The following CATSPER2 variants were observed in gnomAD, a reference collection of about 807,000 sequenced individuals.
CATSPER2 encodes cation channel sperm-associated protein 2.
CATSPER2 carries 56 observed loss-of-function variants against 68.8 expected under a neutral mutation model. The observed-to-expected ratio is 0.81, with a 90% CI of 0.66 to 1.02. CATSPER2 has a LOEUF of 1.02. CATSPER2 is among the 50% of genes least tolerant of loss of function. CATSPER2 has a pLI of 0.00. For synonymous variants in CATSPER2, 198 were observed against 229.9 expected (o/e 0.86, Z 1.26); for missense variants, 582 against 642.0 (o/e 0.91, Z 1.01).
rs1174851635 is a variant in CATSPER2, at chr15:43,628,818, G to C, written c.*1883C>G. 17 of 143,184 alleles carry C rather than the reference G, an allele frequency of 1.2e-4. No individual in the cohort carries two copies. Among genetic ancestry groups the C allele is most frequent in the African/African-American group, 4.8e-4 (17 of 35,546 alleles). 8.9% of individuals were successfully genotyped at this position (143,184 alleles called of 1,614,324 possible). A position where few individuals can be genotyped will look rare whatever the true frequency, so the allele number is the denominator to read the frequency against. ...TGGTCAGGATATCTTTAGAGGAGTG[G>C]AGGTTGACTTACCTGCAGTTAATGC... On this transcript the variant is annotated 3_prime_UTR_variant, in exon 13 of 13. Transcript: ENST00000396879.
intron 7 of CATSPER2, among the ~76,000 whole-genome samples, chr15:43,637,248 C>T (rs2141558856): frequency 6.6e-6 from 1 of 151,924 alleles, no homozygotes. Context: ...CAAAATTATT[C>T]CTATTAGTTT....
In CATSPER2 at chr15:43,630,209, A is replaced by G. The variant is rs904926154; in HGVS notation, c.*492T>C. On this transcript the variant is annotated 3_prime_UTR_variant, in exon 13 of 13. Transcript: ENST00000396879. ...TGATCCTAGCTTGCTGTAGCCTCGA[A>G]CTCCCTGCCTCAAACAATCCTGCCT... is the stretch of plus-strand genomic sequence containing the variant. 4 of 192,050 alleles carry G rather than the reference A, an allele frequency of 2.1e-5. No homozygotes were observed. The highest frequency in any genetic ancestry group is 9.4e-5 in the African/African-American group (4 of 42,726). The allele number at this position is 192,050 out of a possible 1,614,324, so 11.9% of individuals were successfully genotyped here. A position where few individuals can be genotyped will look rare whatever the true frequency, so the allele number is the denominator to read the frequency against.
Position 43,638,904 on chromosome 15 carries a change from G to T in CATSPER2, c.842C>A (p.Ser281Ter). The T allele has an allele frequency of 1.2e-6, 2 of 1,612,308 alleles. No individual in the cohort carries two copies. The highest frequency in any genetic ancestry group is 2.2e-5 in the South Asian group (2 of 90,984). Residue 281 changes from serine (S) to a stop codon, truncating the protein, a stop_gained and splice_region_variant, in exon 7 of 13, where the codon TCG becomes TAG. Transcript: ENST00000396879. LOFTEE classifies it high-confidence loss of function. The stretch of plus-strand genomic sequence containing the variant: ...CCCAGCTGTCCCCAGCTCTGCTTAC[G>T]AGAAGAACACATGGTACTCCAGGTC... The part of the protein sequence containing the change: ...RQDLEYHVFF[S>*]DLPNSLVTVF...
chr15:43,644,474 T>C (rs1012529300), intron 4 of CATSPER2, among the ~76,000 whole-genome samples: 4 of 151,912 alleles, frequency 2.6e-5, no homozygotes, highest in African/African-American at 9.7e-5. Context: ...CTATTTTGAT[T>C]TGTCTATTAG....
intron 11 of CATSPER2, 175 bp from the exon 12 acceptor site, chr15:43,632,538 C>A: frequency 1.4e-6 from 2 of 1,432,234 alleles, no homozygotes; most frequent in Non-Finnish European, 1.9e-6. Context: ...AGGGCCACAG[C>A]CACACTTACC....
intron 4 of CATSPER2, 47 bp downstream of exon 4, chr15:43,647,003 C>A (rs117322961): frequency 7.9e-6 from 12 of 1,515,460 alleles, no homozygotes; most frequent in Non-Finnish European, 1.1e-5. Flanking sequence ...ACGTGTGAGC[C>A]GGCGTGCCCG....
In CATSPER2 at chr15:43,647,177, T is replaced by C. The variant is rs1415146168; in HGVS notation, c.320-59A>G. ...TTCTTTCTGATTTATGCAGCTGAAA[T>C]AATAAGAGCAATAACATAAGCAGTG... On this transcript the variant is annotated intron_variant, in intron 3 of 12. Coordinates refer to ENST00000396879, the MANE Select transcript of CATSPER2 (RefSeq NM_172095.4). 6 of 1,570,750 alleles carry C rather than the reference T, an allele frequency of 3.8e-6. No homozygotes were observed. In the Admixed American group the frequency reaches 1.0e-4, roughly 26 times the overall value.
rs1354288133 is a variant in CATSPER2, at chr15:43,638,286, C to CTTTCTTTTTTTTTTTTT, written c.842+617_842+618insAAAAAAAAAAAAAGAAA. 1.5e-3 allele frequency among the ~76,000 whole-genome samples: 126 copies of CTTTCTTTTTTTTTTTTT among 81,822 alleles called. 9 individuals are homozygous for CTTTCTTTTTTTTTTTTT. The highest frequency in any genetic ancestry group is 8.4e-3 in the African/African-American group (112 of 13,262). 53.7% of individuals were successfully genotyped at this position (81,822 alleles called of 152,430 possible). ...ATTTTTCTTTTCTTTTTCTTTCTTT[C>CTTTCTTTTTTTTTTTTT]TTTTTTTTTTTTTTTTTTTTTGAGA... On this transcript the variant is annotated intron_variant, in intron 7 of 12. Coordinates refer to ENST00000396879, the MANE Select transcript of CATSPER2 (RefSeq NM_172095.4).
intron 4 of CATSPER2, among the ~76,000 whole-genome samples, chr15:43,645,159 G>A (rs531606656): frequency 1.8e-4 from 27 of 151,890 alleles, no homozygotes; most frequent in African/African-American, 6.5e-4. Flanking sequence ...AGGCTCAAGC[G>A]ATCCTCCCAC....
intron 1 of CATSPER2, 76 bp downstream of exon 1, chr15:43,648,553 G>T: frequency 7.7e-7 from 1 of 1,290,428 alleles, no homozygotes; most frequent in Non-Finnish European, 1.0e-6. Context: ...AATGGGTCCC[G>T]TCCCAAGTGT....
At position 43,632,410 on chromosome 15, in the gene CATSPER2, T is replaced by C. The variant is rs56226333; in HGVS notation, c.1397-47A>G. ...AAAAGCACGTCTAGATTTGTAAAAGTTGGGTAAGAGCTGGTAAATCCTATG... is the reference window on the plus strand; with the variant it reads ...AAAAGCACGTCTAGATTTGTAAAAGCTGGGTAAGAGCTGGTAAATCCTATG... On this transcript the variant is annotated intron_variant, in intron 11 of 12. Transcript: ENST00000396879. 0.16 allele frequency: 262,967 copies of C among 1,603,536 alleles called. 24,860 individuals are homozygous for C. Among genetic ancestry groups the C allele is most frequent in the Middle Eastern group, 0.24 (1,457 of 5,996 alleles).
rs992228648 is a variant in CATSPER2, at chr15:43,631,258, G to A, written c.1562-526C>T. ...TGTTTTTGGTTTGTCTTGAGACGGA[G>A]CCTCATTCTTTTGCCAGGCTGGAGT... is the stretch of plus-strand genomic sequence containing the variant. On this transcript the variant is annotated intron_variant, in intron 12 of 12. Coordinates refer to ENST00000396879, the MANE Select transcript of CATSPER2 (RefSeq NM_172095.4). Among the ~76,000 whole-genome samples the A allele has an allele frequency of 2.8e-4, 42 of 151,972 alleles. 1 individual carries two copies. Among genetic ancestry groups the A allele is most frequent in the Non-Finnish European group, 4.4e-4 (30 of 67,990 alleles).
chr15:43,640,122 A>G lies in CATSPER2; in HGVS notation c.561+202T>C, dbSNP rs377310602. 1.4e-4 allele frequency: 206 copies of G among 1,445,170 alleles called. 5 individuals carry two copies. In the East Asian group the frequency reaches 1.6e-3, roughly 11 times the overall value. The allele number at this position is 1,445,170 out of a possible 1,614,324, so 89.5% of individuals were successfully genotyped here. On this transcript the variant is annotated intron_variant, in intron 5 of 12. Transcript: ENST00000396879. ...GTAACCGGCAGATGCTCTTGTTGGC[A>G]TTGATGTTGTAGTTAGTCTACTTTG...
At chr15:43,638,203 C>T (rs1361606553) in intron 7 of CATSPER2, among the ~76,000 whole-genome samples, 3 of 149,690 alleles carry the variant, frequency 2.0e-5, no homozygotes, top group Non-Finnish European at 3.0e-5. Context: ...ATCCACCTGT[C>T]TTGGCTTCTG....
chr15:43,638,997 A>G lies in CATSPER2; in HGVS notation c.749T>C (p.Ile250Thr), dbSNP rs1345372840. 1.2e-6 allele frequency: 2 copies of G among 1,612,918 alleles called. No individual in the cohort carries two copies. The highest frequency in any genetic ancestry group is 4.5e-5 in the East Asian group (2 of 44,824). Residue 250 changes from isoleucine (I) to threonine (T), a missense_variant, in exon 7 of 13, where the codon ATC (isoleucine) becomes ACC (threonine). Ile to Thr is a moderately conservative substitution (Grantham distance 89). Around this residue, in one of 5 missense-constraint regions of CATSPER2, gnomAD observed 91 missense variants for 72.8 expected, o/e 1.25. Transcript: ENST00000396879. ...SMTFLLMLLL[I>T]FFYIFAVTGV... ...AGTCACAGCAAAAATGTAGAAGAAG[A>G]TGAGCAGCAACATCAAGAGGAAGGT...
chr15:43,633,113 C>G, intron 10 of CATSPER2, 179 bp from the exon 11 acceptor site: 1 of 897,686 alleles, frequency 1.1e-6, no homozygotes, highest in East Asian at 3.0e-5. Context: ...TCATCCTTAA[C>G]TCTTCTCTCC....
chr15:43,636,742 A>C (rs2085971670), intron 7 of CATSPER2, among the ~76,000 whole-genome samples: 1 of 151,704 alleles, frequency 6.6e-6, no homozygotes, highest in Non-Finnish European at 1.5e-5. Flanking sequence ...CTATTCCATT[A>C]GTTCTTGGGT....
At chr15:43,644,462 T>C (rs1485239144) in intron 4 of CATSPER2, among the ~76,000 whole-genome samples, 1 of 151,954 alleles carries the variant, frequency 6.6e-6, no homozygotes, top group Non-Finnish European at 1.5e-5. Context: ...GTTAGTGCTA[T>C]TCTATTTTGA....
rs1206174279 is a variant in CATSPER2 at position 43,648,787 on chromosome 15, G to A, written c.-161C>T. The stretch of plus-strand genomic sequence containing the variant: ...CGCCCCGCTCGACCCCCAGGTTTCG[G>A]CTCACCCCGGGACCCGGCCCTAGCC... On this transcript the variant is annotated 5_prime_UTR_variant, in exon 1 of 13. Transcript: ENST00000396879. The A allele has an allele frequency of 2.1e-5, 32 of 1,529,976 alleles. No individual in the cohort carries two copies. Among genetic ancestry groups the A allele is most frequent in the Non-Finnish European group, 2.6e-5 (30 of 1,142,120 alleles). 94.8% of individuals were successfully genotyped at this position (1,529,976 alleles called of 1,614,324 possible).
Sources: gnomAD v4.1 joint callset for allele counts (sites outside exome capture counted in the v4.1 genomes callset) on GRCh38, gnomAD v4.1.1 for gene constraint, gnomAD v4.1.1 regional missense constraint, MANE v1.5 for transcripts, NCBI Gene and HGNC (gene_info 2026-07-23, HGNC 2026-07-21) for gene names.